Variants in NPHP3 observed in about 807,000 individuals in gnomAD.
NPHP3 encodes the protein nephrocystin-3.
In NPHP3, 123 loss-of-function variants were observed where a neutral mutation model predicts 171.9. The observed-to-expected ratio is 0.72, with a 90% CI of 0.62 to 0.83. The LOEUF is 0.83. Ranked by LOEUF, NPHP3 falls within the 40% of genes least tolerant of loss-of-function variation. The pLI is 0.00. For missense variants in NPHP3, 1,506 were observed against 1,591.9 expected (o/e 0.95, Z 0.92); for synonymous variants, 558 against 579.2 (o/e 0.96, Z 0.52).
At chr3:132,716,643 A>G (rs1480608155) in intron 4 of NPHP3, 114 bp downstream of exon 4, 23 of 1,157,834 alleles carry the variant, frequency 2.0e-5, no homozygotes, top group Non-Finnish European at 2.8e-5. Context: ...AATGGAAAGC[A>G]CTAGGAACAC....
chr3:132,712,695 G>C (rs1939945493), intron 6 of NPHP3, among the ~76,000 whole-genome samples: 1 of 152,104 alleles, frequency 6.6e-6, no homozygotes, highest in Admixed American at 6.5e-5. Context: ...GAACCTGGGA[G>C]GTGGAGCTTG....
At chr3:132,684,447 C>T (rs1333513849) in intron 24 of NPHP3, 107 bp downstream of exon 24, 6 of 1,082,124 alleles carry the variant, frequency 5.5e-6, no homozygotes, top group Non-Finnish European at 8.4e-6. Context: ...ATTTTTAAAG[C>T]TCATATAAAC....
chr3:132,688,805 TTGG>T lies in NPHP3; in HGVS notation c.2967_2969del (p.His989del), dbSNP rs1287798078. On this transcript the variant is annotated inframe_deletion, in exon 21 of 27. Transcript: ENST00000337331. ...TCCACTGCACGTATACACTTGCTAGTTGGTGGAGGGACTGGGCTACTCTTGGGT... is the reference window on the plus strand; with the variant it reads ...TCCACTGCACGTATACACTTGCTAGTTGGAGGGACTGGGCTACTCTTGGGT... 6.2e-7 allele frequency: 1 copy of T among 1,613,972 alleles called. No individual in the cohort carries two copies. The highest frequency in any genetic ancestry group is 8.5e-7 in the Non-Finnish European group (1 of 1,179,986).
At chr3:132,692,462 G>A (rs192735986) in intron 17 of NPHP3, among the ~76,000 whole-genome samples, 192 bp downstream of exon 17, 2 of 148,816 alleles carry the variant, frequency 1.3e-5, no homozygotes, top group African/African-American at 5.0e-5. Flanking sequence ...ACCACTTAAC[G>A]TGAGATCTAC....
rs1553772761 is a variant in NPHP3 at position 132,694,380 on chromosome 3, T to TTAC, written c.2310+446_2310+447insGTA. The stretch of plus-strand genomic sequence containing the variant: ...ATGTGTGTGTGTGTGTGTGTGTGTT[T>TTAC]ACACACACACACACATATATATATG... On this transcript the variant is annotated intron_variant, in intron 16 of 26. Transcript: ENST00000337331. 3.0e-3 allele frequency among the ~76,000 whole-genome samples: 439 copies of TTAC among 144,490 alleles called. 1 individual carries two copies. Among genetic ancestry groups the TTAC allele is most frequent in the African/African-American group, 0.011 (417 of 38,556 alleles). The allele number at this position is 144,490 out of a possible 152,430, so 94.8% of individuals were successfully genotyped here. A position where few individuals can be genotyped will look rare whatever the true frequency, so the allele number is the denominator to read the frequency against.
At chr3:132,704,808 T>C (rs1282893373) in intron 8 of NPHP3, among the ~76,000 whole-genome samples, 1 of 152,228 alleles carries the variant, frequency 6.6e-6, no homozygotes, top group Non-Finnish European at 1.5e-5. Flanking sequence ...ACTGAAAATA[T>C]GTTATCCTTC....
chr3:132,708,426 T>G (rs1054735067), intron 6 of NPHP3, among the ~76,000 whole-genome samples, 169 bp from the exon 7 acceptor site: 1 of 152,226 alleles, frequency 6.6e-6, no homozygotes, highest in Non-Finnish European at 1.5e-5. Flanking sequence ...TATGGCTCTC[T>G]TCCAGTTTGG....
At chr3:132,690,186 GA>G (rs1399637228) in intron 19 of NPHP3, among the ~76,000 whole-genome samples, 4 of 152,316 alleles carry the variant, frequency 2.6e-5, no homozygotes, top group Admixed American at 2.0e-4. Context: ...AGTCTGGTTT[GA>G]AGGCTACGCT....
In NPHP3 at chr3:132,700,348, G is replaced by A. The variant is rs119456962; in HGVS notation, c.1729C>T (p.Arg577Ter). ...TSSESSLIIK[R>*]LTLKLMQHSW... The stretch of plus-strand genomic sequence containing the variant: ...GGATACTATACCTTTAGAGTTAGTC[G>A]TTTAATAATCAAGGAGGACTCTGAG... Residue 577 changes from arginine to a stop codon, truncating the protein, a stop_gained, in exon 11 of 27, where the codon CGA (arginine) becomes TGA (stop). Transcript: ENST00000337331. LOFTEE classifies it high-confidence loss of function. The A allele has an allele frequency of 1.8e-5, 29 of 1,601,730 alleles. No homozygotes were observed. The highest frequency in any genetic ancestry group is 2.1e-5 in the Non-Finnish European group (24 of 1,168,970).
At chr3:132,697,406 A>G (rs1369019118) in intron 13 of NPHP3, 44 bp from the exon 14 acceptor site, 2 of 1,246,630 alleles carry the variant, frequency 1.6e-6, no homozygotes, top group South Asian at 2.4e-5. Context: ...ATAATACAAC[A>G]AGAACTGTAA....
rs764476332 is a variant in NPHP3 at position 132,699,329 on chromosome 3, A to G, written c.1985+24T>C. The G allele has an allele frequency of 2.0e-6, 3 of 1,498,708 alleles. No individual in the cohort carries two copies. In the South Asian group the frequency reaches 3.4e-5, roughly 17 times the overall value. The allele number at this position is 1,498,708 out of a possible 1,614,324, so 92.8% of individuals were successfully genotyped here. A position where few individuals can be genotyped will look rare whatever the true frequency, so the allele number is the denominator to read the frequency against. On this transcript the variant is annotated intron_variant, in intron 13 of 26. Transcript: ENST00000337331. ...TACTTAAAACATTTCATGTACTCTG[A>G]AAGAACTAAAGTTGGCATCGTACCT...
intron 2 of NPHP3, 95 bp downstream of exon 2, chr3:132,719,610 C>A: frequency 1.2e-6 from 1 of 829,348 alleles, no homozygotes; most frequent in Non-Finnish European, 1.7e-6. Flanking sequence ...ACATGACTTA[C>A]TTCTATTTAT....
intron 1 of NPHP3, among the ~76,000 whole-genome samples, chr3:132,721,146 GACCTC>G (rs1940203258): frequency 6.6e-6 from 1 of 152,172 alleles, no homozygotes; most frequent in Non-Finnish European, 1.5e-5. Context: ...TCGAACTCCT[GACCTC>G]AGGTGATCCG....
Position 132,681,940 on chromosome 3 carries a change from A to T in NPHP3, c.3963T>A (p.Pro1321=), listed in dbSNP as rs766081895. The T allele has an allele frequency of 1.9e-6, 3 of 1,614,142 alleles. No homozygotes were observed. The highest frequency in any genetic ancestry group is 8.5e-7 in the Non-Finnish European group (1 of 1,179,974). The part of the protein sequence containing the change: ...DTFSLKTAHS[P]NVFLQQGQR ...TTTGTCCTTGCTGAAGGAAAACATT[A>T]GGAGAATGAGCTGTTTTTAAGCTAA... Residue 1321 remains proline, a synonymous_variant, in exon 27 of 27, where the codon CCT becomes CCA. Coordinates refer to ENST00000337331, the MANE Select transcript of NPHP3 (RefSeq NM_153240.5).
intron 14 of NPHP3, 121 bp from the exon 15 acceptor site, chr3:132,696,934 G>C (rs992691581): frequency 1.2e-5 from 10 of 821,396 alleles, no homozygotes; most frequent in Non-Finnish European, 2.1e-5. Context: ...GCTGCCATCC[G>C]TGACATCACA....
At chr3:132,713,065 G>T in intron 6 of NPHP3, 61 bp downstream of exon 6, 3 of 853,856 alleles carry the variant, frequency 3.5e-6, no homozygotes, top group Non-Finnish European at 5.3e-6. Flanking sequence ...AGCTTATTTG[G>T]CAAACTCAAT....
At chr3:132,701,813 G>C (rs1003665253) in intron 9 of NPHP3, among the ~76,000 whole-genome samples, 1 of 152,188 alleles carries the variant, frequency 6.6e-6, no homozygotes, top group Non-Finnish European at 1.5e-5. Context: ...ATGAGGTCAG[G>C]AGATCGAGAA....
intron 14 of NPHP3, 27 bp from the exon 15 acceptor site, chr3:132,696,840 A>G: frequency 6.3e-7 from 1 of 1,598,856 alleles, no homozygotes; most frequent in Non-Finnish European, 8.6e-7. Flanking sequence ...AGAAAAACAA[A>G]ACAGAAATAC....
At chr3:132,698,234 C>T (rs1465630749) in intron 13 of NPHP3, among the ~76,000 whole-genome samples, 1 of 152,094 alleles carries the variant, frequency 6.6e-6, no homozygotes, top group Non-Finnish European at 1.5e-5. Context: ...CCGCCTCGGC[C>T]TCCCAAAGTG....
Sources: gnomAD v4.1 joint callset for allele counts (sites outside exome capture counted in the v4.1 genomes callset) on GRCh38, gnomAD v4.1.1 for gene constraint, MANE v1.5 for transcripts, NCBI Gene and HGNC (gene_info 2026-07-23, HGNC 2026-07-21) for gene names.